NFIC: variants seen among roughly 807,000 people sequenced by gnomAD.
NFIC encodes nuclear factor 1 C-type.
A neutral mutation model predicts 54.4 loss-of-function variants in NFIC; 12 were observed. The observed-to-expected ratio is 0.22, with a 90% CI of 0.14 to 0.36. The LOEUF (loss-of-function observed/expected upper bound fraction) is 0.36. NFIC is among the 10% of genes least tolerant of loss of function. The pLI, the probability that NFIC is intolerant of heterozygous loss-of-function variation, is 1.00. For synonymous variants in NFIC, 322 were observed against 319.2 expected (o/e 1.01, Z -0.09); for missense variants, 575 against 718.2 (o/e 0.80, Z 2.28).
intron 6 of NFIC, among the ~76,000 whole-genome samples, chr19:3,436,309 ATTTTTT>A (rs71166903): frequency 2.0e-4 from 17 of 85,506 alleles, no homozygotes; most frequent in South Asian, 7.6e-4. Flanking sequence ...TGCGCCGTTA[ATTTTTT>A]TTTTTTTTTT....
chr19:3,448,887 A>G, intron 6 of NFIC, 127 bp from the exon 7 acceptor site: 2 of 1,406,320 alleles, frequency 1.4e-6, no homozygotes, highest in South Asian at 2.9e-5. Context: ...TCTCCCCCTC[A>G]GGATTCTGGG....
intron 6 of NFIC, among the ~76,000 whole-genome samples, chr19:3,445,085 C>G (rs7258407): frequency 0.071 from 10,856 of 152,150 alleles, 1,232 homozygotes; most frequent in African/African-American, 0.24. Context: ...GTGCACACGT[C>G]CACATATGCT....
rs1411144247 is a variant in NFIC at position 3,451,811 on chromosome 19, T to TA, written c.1085-671_1085-670insA. On this transcript the variant is annotated intron_variant, in intron 7 of 10. Coordinates refer to ENST00000443272, the MANE Select transcript of NFIC (RefSeq NM_001245002.2). ...TGAAGGCCACCCTGTCATCCTCTGT[T>TA]TAAAAAAAAAAAAAAAAAGACGGGG... 1.2e-4 allele frequency among the ~76,000 whole-genome samples: 13 copies of TA among 105,976 alleles called. No homozygotes were observed. The South Asian group carries it at 3.4e-3, about 28-fold the overall frequency. The allele number at this position is 105,976 out of a possible 152,430, so 69.5% of individuals were successfully genotyped here.
In NFIC at chr19:3,425,196, T is replaced by G. The variant is rs770140615; in HGVS notation, c.634+19T>G. ...ACGCTGGGTGAGTCTGGGGGCAGCG[T>G]GGCGGTGAAGGGCGGAGGGCGCAGC... On this transcript the variant is annotated intron_variant, in intron 3 of 10. Coordinates refer to ENST00000443272, the MANE Select transcript of NFIC (RefSeq NM_001245002.2). 6.2e-7 allele frequency: 1 copy of G among 1,606,256 alleles called. No homozygotes were observed. The highest frequency in any genetic ancestry group is 8.5e-7 in the Non-Finnish European group (1 of 1,177,918).
chr19:3,369,243 GTC>G lies in NFIC; in HGVS notation c.30+2581_30+2582del, dbSNP rs2080954222. On this transcript the variant is annotated intron_variant, in intron 1 of 10. Transcript: ENST00000443272. This position sits in a 1 kb window ranked among gnomAD's most constrained non-coding sequence, Gnocchi z 4.3. ...CTGTCTCTCTGCCCCCTTCCTCTCT[GTC>G]TCTGTTTCTCTCCAATATGTCTGTC... 6.6e-6 allele frequency among the ~76,000 whole-genome samples: 1 copy of G among 151,362 alleles called. No individual in the cohort carries two copies. The highest frequency in any genetic ancestry group is 2.1e-4 in the South Asian group (1 of 4,786).
rs368606142 is a variant in NFIC at position 3,369,562 on chromosome 19, C to T, written c.30+2896C>T. ...CAGCCCGCTCTGTGCCACCCGGGCC[C>T]GGCCCGCCGAGTGGGGAGTGGGTGC... is the stretch of plus-strand genomic sequence containing the variant. On this transcript the variant is annotated intron_variant, in intron 1 of 10. Coordinates refer to ENST00000443272, the MANE Select transcript of NFIC (RefSeq NM_001245002.2). The surrounding 1 kb of genome is among the most constrained non-coding windows in gnomAD (Gnocchi z 4.3). Among the ~76,000 whole-genome samples, 16 of 152,282 alleles carry T rather than the reference C, an allele frequency of 1.1e-4. No individual in the cohort carries two copies. The highest frequency in any genetic ancestry group is 4.6e-4 in the Admixed American group (7 of 15,306).
chr19:3,429,622 C>A (rs956148227), intron 3 of NFIC, among the ~76,000 whole-genome samples: 8 of 151,996 alleles, frequency 5.3e-5, no homozygotes, highest in African/African-American at 1.7e-4. Flanking sequence ...GGGGGACTGG[C>A]GGGGGTTTGG....
In NFIC at chr19:3,371,994, TCTCC is replaced by T. The variant is rs1444377441; in HGVS notation, c.30+5332_30+5335del. 1.0e-3 allele frequency among the ~76,000 whole-genome samples: 68 copies of T among 66,218 alleles called. 7 individuals are homozygous for T. The highest frequency in any genetic ancestry group is 2.5e-3 in the South Asian group (3 of 1,202). The allele number at this position is 66,218 out of a possible 152,430, so 43.4% of individuals were successfully genotyped here. On this transcript the variant is annotated intron_variant, in intron 1 of 10. Transcript: ENST00000443272. Reference sequence around the variant, plus strand: ...TTCTCTTTCTCTCTCTCTCCCTCTCTCTCCCTCTCTCTCTCTCTCTCTCTCTCTC... The same window carrying T: ...TTCTCTTTCTCTCTCTCTCCCTCTCTCTCTCTCTCTCTCTCTCTCTCTCTC...
chr19:3,360,966 C>T (rs1402385213), intron 1 of NFIC, among the ~76,000 whole-genome samples: 3 of 152,214 alleles, frequency 2.0e-5, no homozygotes, highest in African/African-American at 7.2e-5. Context: ...CTGCCTTCCA[C>T]TCCCGGCCTC....
At chr19:3,416,790 TGG>T (rs989044145) in intron 2 of NFIC, among the ~76,000 whole-genome samples, 8 of 151,832 alleles carry the variant, frequency 5.3e-5, no homozygotes, top group African/African-American at 1.4e-4. Flanking sequence ...CCCAAAGCAC[TGG>T]GATTACAGGC....
At chr19:3,417,881 G>A (rs774082787) in intron 2 of NFIC, among the ~76,000 whole-genome samples, 14 of 146,688 alleles carry the variant, frequency 9.5e-5, no homozygotes, top group East Asian at 4.0e-4. Context: ...CTCATGATCC[G>A]CCCGCCTCGG....
chr19:3,430,747 G>C (rs58848403), intron 3 of NFIC, among the ~76,000 whole-genome samples: 1 of 151,840 alleles, frequency 6.6e-6, no homozygotes, highest in East Asian at 2.0e-4. Flanking sequence ...GCCGGACCAA[G>C]ATGGTGAAAC....
At chr19:3,368,456 C>G (rs1162211731) in intron 1 of NFIC, among the ~76,000 whole-genome samples, 1 of 151,986 alleles carries the variant, frequency 6.6e-6, no homozygotes, top group East Asian at 1.9e-4. Context: ...TCTGTGGAAA[C>G]CAAAAAACGG....
Position 3,433,604 on chromosome 19 carries a change from C to A in NFIC, c.709+12C>A. On this transcript the variant is annotated intron_variant, in intron 4 of 10. Transcript: ENST00000443272. ...CCAAGTGTCCCGGAGTGAGTGTTCC[C>A]GTCAGCCCTGAGCTGGGTCTTGGAG... 1 of 1,613,272 alleles carries A rather than the reference C, an allele frequency of 6.2e-7. No homozygotes were observed. The highest frequency in any genetic ancestry group is 1.1e-5 in the South Asian group (1 of 91,058).
chr19:3,377,134 C>T (rs1374196404), intron 1 of NFIC, among the ~76,000 whole-genome samples: 10 of 151,306 alleles, frequency 6.6e-5, no homozygotes, highest in Admixed American at 6.6e-4. Flanking sequence ...TGAGACCATC[C>T]TGGCTAACAC....
chr19:3,426,737 G>T (rs1009165412), intron 3 of NFIC, among the ~76,000 whole-genome samples: 1 of 151,956 alleles, frequency 6.6e-6, no homozygotes, highest in African/African-American at 2.4e-5. Flanking sequence ...CCTCCTCGCC[G>T]TTCCTCCAGT....
At chr19:3,386,953 A>C (rs1020943571) in intron 2 of NFIC, among the ~76,000 whole-genome samples, 3 of 152,196 alleles carry the variant, frequency 2.0e-5, no homozygotes, top group Admixed American at 2.0e-4. Flanking sequence ...TCACCCTGAC[A>C]GCAGGAAGAC....
intron 10 of NFIC, 177 bp downstream of exon 10, chr19:3,456,812 A>G: frequency 1.6e-6 from 1 of 645,118 alleles, no homozygotes; most frequent in Non-Finnish European, 2.7e-6. Context: ...CTGAGGCCAA[A>G]TTTCCCTCCA....
rs757059229 is a variant in NFIC at position 3,366,686 on chromosome 19, C to G, written c.30+20C>G. 2.2e-6 allele frequency: 3 copies of G among 1,391,222 alleles called. No individual in the cohort carries two copies. Among genetic ancestry groups the G allele is most frequent in the Admixed American group, 3.0e-5 (1 of 33,104 alleles). 86.2% of individuals were successfully genotyped at this position (1,391,222 alleles called of 1,614,324 possible). ...ACCCAGGTACGGTCCTCGCCCGGCC[C>G]CCCGCCGGCGCCCCCGCGCCCCCCG... On this transcript the variant is annotated intron_variant, in intron 1 of 10. Transcript: ENST00000443272.
Sources: gnomAD v4.1 joint callset for allele counts (sites outside exome capture counted in the v4.1 genomes callset) on GRCh38, gnomAD v4.1.1 for gene constraint, Gnocchi (gnomAD v3.1) non-coding constraint, MANE v1.5 for transcripts, NCBI Gene and HGNC (gene_info 2026-07-23, HGNC 2026-07-21) for gene names.